Variants in ARHGAP31 observed in about 807,000 individuals in gnomAD.
The protein encoded by ARHGAP31 is Rho GTPase activating protein 31.
In ARHGAP31, 34 loss-of-function variants were observed where a neutral mutation model predicts 113.9. That is an observed-to-expected ratio of 0.30 (90% CI 0.23 to 0.40). The LOEUF is 0.40. Ranked by LOEUF, ARHGAP31 falls within the 10% of genes least tolerant of loss-of-function variation. The probability of loss-of-function intolerance (pLI) is 1.00; values close to 1 mark genes in which losing one functional copy is unlikely to be tolerated. For missense variants in ARHGAP31, 1,548 were observed against 1,767.1 expected (o/e 0.88, Z 2.22); for synonymous variants, 650 against 684.8 (o/e 0.95, Z 0.79).
chr3:119,317,019 G>C (rs1453232325), intron 1 of ARHGAP31, among the ~76,000 whole-genome samples: 1 of 152,112 alleles, frequency 6.6e-6, no homozygotes, highest in Admixed American at 6.5e-5. Context: ...GCTTTCCTCT[G>C]GGCAGTCCAG....
chr3:119,401,767 CTGCTAT>C lies in ARHGAP31; in HGVS notation c.1070-52_1070-47del, dbSNP rs1406344597. On this transcript the variant is annotated intron_variant, in intron 9 of 11. Coordinates refer to ENST00000264245, the MANE Select transcript of ARHGAP31 (RefSeq NM_020754.4). ...CGTGTGCCTGCCCTTACTGGAAGGCCTGCTATTGTATGTGTGCCCCGGCTGCTGACC... is the reference window on the plus strand; with the variant it reads ...CGTGTGCCTGCCCTTACTGGAAGGCCTGTATGTGTGCCCCGGCTGCTGACC... 3 of 1,559,466 alleles carry C rather than the reference CTGCTAT, an allele frequency of 1.9e-6. No homozygotes were observed. The African/African-American group carries it at 4.1e-5, about 21-fold the overall frequency.
chr3:119,333,287 A>G (rs2079913034), intron 1 of ARHGAP31, among the ~76,000 whole-genome samples: 1 of 152,192 alleles, frequency 6.6e-6, no homozygotes, highest in South Asian at 2.1e-4. Context: ...CTGTGTATGT[A>G]TCCTAACTTT....
intron 1 of ARHGAP31, among the ~76,000 whole-genome samples, chr3:119,313,518 G>A (rs985006525): frequency 2.6e-5 from 4 of 152,136 alleles, no homozygotes; most frequent in African/African-American, 7.2e-5. Context: ...CTGAACGAAC[G>A]AGGGTAGAAT....
chr3:119,387,777 G>A lies in ARHGAP31; in HGVS notation c.683-3008G>A, dbSNP rs146697705. Among the ~76,000 whole-genome samples the A allele has an allele frequency of 1.0e-3, 157 of 152,282 alleles. 1 individual carries two copies. The highest frequency in any genetic ancestry group is 1.3e-3 in the Non-Finnish European group (91 of 68,020). On this transcript the variant is annotated intron_variant, in intron 6 of 11. Transcript: ENST00000264245. ...CAGTGCCCAAAATGACAGAAACTCC[G>A]TGGCATAGAACTATGGTCTGGTTGG...
chr3:119,362,825 T>C (rs949686656), intron 1 of ARHGAP31, among the ~76,000 whole-genome samples: 1 of 150,616 alleles, frequency 6.6e-6, no homozygotes, highest in Non-Finnish European at 1.5e-5. Context: ...CTGTACGAGG[T>C]TGGTCATCTA....
In ARHGAP31 at chr3:119,393,738, C is replaced by T. The variant is rs113207006; in HGVS notation, c.1006+147C>T. On this transcript the variant is annotated intron_variant, in intron 8 of 11. Transcript: ENST00000264245. ...GGGGAAGAGGAGTCTTTTTTCAAAACATTTTAGACTTACCAAAAAAATTGC... is the reference window on the plus strand; with the variant it reads ...GGGGAAGAGGAGTCTTTTTTCAAAATATTTTAGACTTACCAAAAAAATTGC... 19 of 1,191,172 alleles carry T rather than the reference C, an allele frequency of 1.6e-5. No homozygotes were observed. The African/African-American group carries it at 1.9e-4, about 12-fold the overall frequency. The allele number at this position is 1,191,172 out of a possible 1,614,324, so 73.8% of individuals were successfully genotyped here.
At chr3:119,401,728 T>A in intron 9 of ARHGAP31, 94 bp from the exon 10 acceptor site, 1 of 1,150,638 alleles carries the variant, frequency 8.7e-7, no homozygotes, top group Non-Finnish European at 1.3e-6. Flanking sequence ...TGTGCCTCTC[T>A]AGTATTCAAA....
chr3:119,307,599 G>A (rs532303116), intron 1 of ARHGAP31, among the ~76,000 whole-genome samples: 27 of 152,230 alleles, frequency 1.8e-4, no homozygotes, highest in African/African-American at 6.5e-4. Context: ...TATATCTGGG[G>A]TGGGAATGTG....
Position 119,416,854 on chromosome 3 carries a change from C to T in ARHGAP31, c.*590C>T, listed in dbSNP as rs145064712. 35 of 162,900 alleles carry T rather than the reference C, an allele frequency of 2.1e-4. 1 individual carries two copies. In the East Asian group the frequency reaches 5.9e-3, roughly 27 times the overall value. 10.1% of individuals were successfully genotyped at this position (162,900 alleles called of 1,614,324 possible). On this transcript the variant is annotated 3_prime_UTR_variant, in exon 12 of 12. Transcript: ENST00000264245. ...AAGTGGGTGAGCTTAGCCACTCTTA[C>T]CCATGCTCTTTCCCTGGAATCCCTG... is the stretch of plus-strand genomic sequence containing the variant.
intron 1 of ARHGAP31, among the ~76,000 whole-genome samples, chr3:119,317,380 G>A (rs1307029512): frequency 3.9e-5 from 6 of 151,926 alleles, no homozygotes; most frequent in Non-Finnish European, 7.4e-5. Context: ...GGGTTTCACC[G>A]TGTTAGCCAG....
chr3:119,330,816 T>G (rs978968737), intron 1 of ARHGAP31, among the ~76,000 whole-genome samples: 2 of 152,246 alleles, frequency 1.3e-5, no homozygotes, highest in African/African-American at 4.8e-5. Context: ...TGCTTTTAAG[T>G]AGACTGTTAC....
At chr3:119,353,557 C>A (rs972619097) in intron 1 of ARHGAP31, among the ~76,000 whole-genome samples, 1 of 152,174 alleles carries the variant, frequency 6.6e-6, no homozygotes, top group Non-Finnish European at 1.5e-5. Context: ...GTAAGCCCAG[C>A]ACTTTGGGAG....
chr3:119,305,472 C>T (rs1004947040), intron 1 of ARHGAP31, among the ~76,000 whole-genome samples: 2 of 152,092 alleles, frequency 1.3e-5, no homozygotes, highest in Non-Finnish European at 2.9e-5. Context: ...ACAATGATGT[C>T]AACTCTTCCA....
At chr3:119,412,430 G>A (rs1434910422) in intron 11 of ARHGAP31, among the ~76,000 whole-genome samples, 1 of 151,640 alleles carries the variant, frequency 6.6e-6, no homozygotes, top group African/African-American at 2.4e-5. Context: ...AATTGAAATT[G>A]GTTGTCCTGG....
rs759535946 is a variant in ARHGAP31, at chr3:119,380,951, A to G, written c.396A>G (p.Gln132=). 2.5e-6 allele frequency: 4 copies of G among 1,614,062 alleles called. No individual in the cohort carries two copies. In the African/African-American group the frequency reaches 4.0e-5, roughly 16 times the overall value. Residue 132 remains glutamine (Q), a synonymous_variant, in exon 4 of 12, where the codon CAA becomes CAG. Transcript: ENST00000264245. ...AAGAAGGCCAACTGGCCCGAATCCA[A>G]AATGTTATCCAGGAGCTTCCTCCAT... The part of the protein sequence containing the change: ...CPEEGQLARI[Q]NVIQELPPSH...
intron 1 of ARHGAP31, among the ~76,000 whole-genome samples, chr3:119,349,875 A>G (rs377380512): frequency 5.3e-5 from 8 of 152,190 alleles, no homozygotes; most frequent in African/African-American, 1.9e-4. Flanking sequence ...CTTTCTGGGC[A>G]GGCTTCCCTG....
intron 11 of ARHGAP31, among the ~76,000 whole-genome samples, chr3:119,413,498 A>G (rs1343504911): frequency 1.3e-5 from 2 of 152,164 alleles, no homozygotes; most frequent in African/African-American, 4.8e-5. Flanking sequence ...CAGTGCATAC[A>G]GATTAGGTAC....
Position 119,392,643 on chromosome 3 carries a change from G to A in ARHGAP31, c.882-824G>A, listed in dbSNP as rs532255448. Among the ~76,000 whole-genome samples the A allele has an allele frequency of 3.9e-5, 6 of 152,312 alleles. No individual in the cohort carries two copies. The East Asian group carries it at 5.8e-4, about 15-fold the overall frequency. ...GACCCCTGGGGTGCCAGGCTGTCTCGACGCAGCCTAGTGCTCCTCTTTCCC... is the reference window on the plus strand; with the variant it reads ...GACCCCTGGGGTGCCAGGCTGTCTCAACGCAGCCTAGTGCTCCTCTTTCCC... On this transcript the variant is annotated intron_variant, in intron 7 of 11. Transcript: ENST00000264245.
At chr3:119,403,199 T>C (rs1222795486) in intron 10 of ARHGAP31, among the ~76,000 whole-genome samples, 2 of 152,228 alleles carry the variant, frequency 1.3e-5, no homozygotes, top group African/African-American at 4.8e-5. Context: ...CCGTTAATAT[T>C]AGTCATTTTC....
Sources: allele counts gnomAD v4.1 joint callset (sites outside exome capture counted in the v4.1 genomes callset), GRCh38; gene constraint gnomAD v4.1.1; transcripts MANE v1.5; gene names NCBI Gene and HGNC (gene_info 2026-07-23, HGNC 2026-07-21).